Variants in CDH19 observed in about 807,000 individuals in gnomAD.
The protein encoded by CDH19 is cadherin 19, also known as cadherin-19.
A neutral mutation model predicts 64.2 loss-of-function variants in CDH19; 67 were observed. That is an observed-to-expected ratio of 1.04 (90% CI 0.86 to 1.28). CDH19 has a LOEUF of 1.28. Among genes scored for constraint, CDH19 ranks in the 50% most tolerant of loss-of-function variants. The pLI is 0.00. For synonymous variants in CDH19, 346 were observed against 319.3 expected (o/e 1.08, Z -0.89); for missense variants, 1,030 against 929.0 (o/e 1.11, Z -1.41).
chr18:66,532,646 T>C (rs1170064165), intron 8 of CDH19: 8 of 438,674 alleles, frequency 1.8e-5, no homozygotes, highest in Non-Finnish European at 3.6e-5. Flanking sequence ...TCCAGGATTG[T>C]ATTTATCAAG....
rs188735866 is a variant in CDH19 at position 66,532,584 on chromosome 18, A to G, written c.1336+2402T>C. ...TGTAAGTTTTTTCTTTGTCCCTTTG[A>G]AGCGTATGGAAATCTTTCAAAAGTT... On this transcript the variant is annotated intron_variant, in intron 8 of 11. Transcript: ENST00000262150. 1.2e-4 allele frequency: 43 copies of G among 344,850 alleles called. No homozygotes were observed. In the East Asian group the frequency reaches 3.5e-3, roughly 28 times the overall value. The allele number at this position is 344,850 out of a possible 1,614,324, so 21.4% of individuals were successfully genotyped here.
At chr18:66,593,030 AG>A (rs1387539582) in intron 1 of CDH19, among the ~76,000 whole-genome samples, 2 of 151,844 alleles carry the variant, frequency 1.3e-5, no homozygotes, top group Non-Finnish European at 2.9e-5. Flanking sequence ...GCAACAATGA[AG>A]GAGTTCCATT....
At chr18:66,550,367 T>A (rs1321099377) in intron 5 of CDH19, among the ~76,000 whole-genome samples, 1 of 152,156 alleles carries the variant, frequency 6.6e-6, no homozygotes, top group Non-Finnish European at 1.5e-5. Context: ...AAGTCATTTT[T>A]AAATGATTAT....
chr18:66,566,767 A>G (rs1329318299), intron 3 of CDH19, among the ~76,000 whole-genome samples: 1 of 151,440 alleles, frequency 6.6e-6, no homozygotes, highest in African/African-American at 2.4e-5. Flanking sequence ...TGCCAATCCC[A>G]CTCATTCTAA....
chr18:66,515,873 C>T (rs1354067964), intron 9 of CDH19, among the ~76,000 whole-genome samples: 1 of 151,754 alleles, frequency 6.6e-6, no homozygotes, highest in Non-Finnish European at 1.5e-5. Context: ...TACAGCACTC[C>T]AAGCAATCCT....
At chr18:66,581,750 T>C (rs1435439414) in intron 1 of CDH19, among the ~76,000 whole-genome samples, 1 of 152,044 alleles carries the variant, frequency 6.6e-6, no homozygotes, top group Admixed American at 6.6e-5. Flanking sequence ...GGGACTCGGA[T>C]TGAGCGACTA....
intron 1 of CDH19, among the ~76,000 whole-genome samples, chr18:66,586,899 C>A (rs923494352): frequency 1.3e-5 from 2 of 151,944 alleles, no homozygotes; most frequent in Non-Finnish European, 2.9e-5. Flanking sequence ...CACTTCCATG[C>A]CTATCCTTTT....
chr18:66,568,402 T>C lies in CDH19; in HGVS notation c.490+14A>G. 1 of 1,584,988 alleles carries C rather than the reference T, an allele frequency of 6.3e-7. No homozygotes were observed. The highest frequency in any genetic ancestry group is 8.6e-7 in the Non-Finnish European group (1 of 1,161,962). ...ATTGTTAATATATCTTTGATGTAAATTAATATGCAATACCTTCTGGAGACA... is the reference window on the plus strand; with the variant it reads ...ATTGTTAATATATCTTTGATGTAAACTAATATGCAATACCTTCTGGAGACA... On this transcript the variant is annotated intron_variant, in intron 3 of 11. Coordinates refer to ENST00000262150, the MANE Select transcript of CDH19 (RefSeq NM_021153.4).
At chr18:66,551,477 T>G (rs1987342204) in intron 4 of CDH19, among the ~76,000 whole-genome samples, 1 of 152,014 alleles carries the variant, frequency 6.6e-6, no homozygotes, top group African/African-American at 2.4e-5. Context: ...TGGTAGGCCC[T>G]TAATAAAATA....
intron 1 of CDH19, among the ~76,000 whole-genome samples, chr18:66,581,196 C>T (rs1988411975): frequency 6.7e-6 from 1 of 148,486 alleles, no homozygotes; most frequent in African/African-American, 2.4e-5. Flanking sequence ...AATGTTAATC[C>T]ATATTTATTT....
rs1200412055 is a variant in CDH19, at chr18:66,548,043, A to G, written c.775+3051T>C. Among the ~76,000 whole-genome samples, 11 of 147,220 alleles carry G rather than the reference A, an allele frequency of 7.5e-5. No individual in the cohort carries two copies. In the South Asian group the frequency reaches 2.3e-3, roughly 31 times the overall value. Reference sequence around the variant, plus strand: ...ATTATATACTATATATGTGTATTATATATATTATATATGATATATATTGAA... The same window carrying G: ...ATTATATACTATATATGTGTATTATGTATATTATATATGATATATATTGAA... On this transcript the variant is annotated intron_variant, in intron 5 of 11. Transcript: ENST00000262150.
At chr18:66,549,392 C>T (rs1987255747) in intron 5 of CDH19, among the ~76,000 whole-genome samples, 1 of 151,968 alleles carries the variant, frequency 6.6e-6, no homozygotes, top group African/African-American at 2.4e-5. Flanking sequence ...TAAATCCAGA[C>T]ACTATTTCCC....
At position 66,504,533 on chromosome 18, in the gene CDH19, G is replaced by T; in HGVS notation, c.*279C>A. 1 of 308,374 alleles carries T rather than the reference G, an allele frequency of 3.2e-6. No homozygotes were observed. The highest frequency in any genetic ancestry group is 6.0e-6 in the Non-Finnish European group (1 of 166,770). 19.1% of individuals were successfully genotyped at this position (308,374 alleles called of 1,614,324 possible). A position where few individuals can be genotyped will look rare whatever the true frequency, so the allele number is the denominator to read the frequency against. On this transcript the variant is annotated 3_prime_UTR_variant, in exon 12 of 12. Transcript: ENST00000262150. Reference sequence around the variant, plus strand: ...CGCATAAGGATCGACTACATCTTGTGTCCTCTCATCTACTTTTAATATCTT... The same window carrying T: ...CGCATAAGGATCGACTACATCTTGTTTCCTCTCATCTACTTTTAATATCTT...
At chr18:66,534,205 C>T (rs149155566) in intron 8 of CDH19, among the ~76,000 whole-genome samples, 3 of 151,976 alleles carry the variant, frequency 2.0e-5, no homozygotes, top group Non-Finnish European at 4.4e-5. Context: ...TCTGTTACAG[C>T]GGGCATTTAT....
intron 9 of CDH19, among the ~76,000 whole-genome samples, chr18:66,517,467 T>A (rs1985787673): frequency 6.6e-6 from 1 of 152,100 alleles, no homozygotes; most frequent in African/African-American, 2.4e-5. Flanking sequence ...TCAGCTCATT[T>A]ATTATATTAA....
chr18:66,509,263 T>C lies in CDH19; in HGVS notation c.1577-17A>G, dbSNP rs1225934563. The stretch of plus-strand genomic sequence containing the variant: ...CTGTGTTATCTAAAACAAAAATCCA[T>C]GTGCATAATTTTTTCAACTACGTAA... On this transcript the variant is annotated splice_polypyrimidine_tract_variant and intron_variant, in intron 10 of 11. Transcript: ENST00000262150. The C allele has an allele frequency of 3.1e-6, 5 of 1,608,482 alleles. No individual in the cohort carries two copies. Among genetic ancestry groups the C allele is most frequent in the African/African-American group, 1.3e-5 (1 of 74,614 alleles).
intron 3 of CDH19, among the ~76,000 whole-genome samples, chr18:66,566,404 TA>T (rs1176098248): frequency 6.6e-6 from 1 of 151,852 alleles, no homozygotes; most frequent in Non-Finnish European, 1.5e-5. Flanking sequence ...TTTCCTTTCT[TA>T]AAAAACAATT....
intron 1 of CDH19, among the ~76,000 whole-genome samples, chr18:66,578,634 A>G (rs1988335203): frequency 6.6e-6 from 1 of 151,976 alleles, no homozygotes; most frequent in South Asian, 2.1e-4. Context: ...CTAGATATCA[A>G]GGATATCTAT....
intron 3 of CDH19, among the ~76,000 whole-genome samples, chr18:66,562,953 T>G (rs746429633): frequency 6.6e-6 from 1 of 152,090 alleles, no homozygotes; most frequent in African/African-American, 2.4e-5. Flanking sequence ...TATGTAAATT[T>G]TATTATTAAC....
Sources: allele counts gnomAD v4.1 joint callset (sites outside exome capture counted in the v4.1 genomes callset), GRCh38; gene constraint gnomAD v4.1.1; transcripts MANE v1.5; gene names NCBI Gene and HGNC (gene_info 2026-07-23, HGNC 2026-07-21).